ATG7: variants seen among roughly 807,000 people sequenced by gnomAD.
ATG7 encodes autophagy related 7, also known as ubiquitin-like modifier-activating enzyme ATG7.
In ATG7, 70 loss-of-function variants were observed where a neutral mutation model predicts 82.4. That is an observed-to-expected ratio of 0.85 (90% CI 0.70 to 1.04). The LOEUF is 1.04. Ranked by LOEUF, ATG7 falls within the 50% of genes least tolerant of loss-of-function variation. The pLI, the probability that ATG7 is intolerant of heterozygous loss-of-function variation, is 0.00. For missense variants in ATG7, 792 were observed against 864.3 expected, an observed-to-expected ratio of 0.92 and a Z score of 1.05; for synonymous variants, 287 against 313.0, an observed-to-expected ratio of 0.92 and a Z score of 0.88.
At chr3:11,571,343 G>A in the ATG7 span, among the ~76,000 whole-genome samples, 1 of 152,196 alleles carries the variant, frequency 6.6e-6, no homozygotes, top group Admixed American at 6.5e-5. Flanking sequence ...GCCACAGCCA[G>A]CATCACTGCC....
chr3:11,554,920 C>A lies in ATG7; in HGVS notation c.*77C>A. ...TCCATCGCCAGAGCAGGACTGCTGA[C>A]CCCAGGCCTGGTGATTCTGGGCCCC... On this transcript the variant is annotated 3_prime_UTR_variant, in exon 21 of 21. Coordinates refer to ENST00000693202, the MANE Select transcript of ATG7 (RefSeq NM_001349232.2). The A allele has an allele frequency of 1.9e-6, 3 of 1,546,622 alleles. No homozygotes were observed. Among genetic ancestry groups the A allele is most frequent in the Non-Finnish European group, 2.6e-6 (3 of 1,141,438 alleles).
At chr3:11,436,568 G>A (rs1389958596) in intron 20 of ATG7, among the ~76,000 whole-genome samples, 1 of 152,122 alleles carries the variant, frequency 6.6e-6, no homozygotes, top group East Asian at 1.9e-4. Flanking sequence ...TATAAATATA[G>A]CCCAGAGAAA....
At chr3:11,540,580 G>A (rs2070730742) in intron 20 of ATG7, among the ~76,000 whole-genome samples, 1 of 151,956 alleles carries the variant, frequency 6.6e-6, no homozygotes, top group African/African-American at 2.4e-5. Context: ...GGTGAAGGCT[G>A]CAGTGAGCAG....
rs148434149 is a variant in ATG7, at chr3:11,394,736, G to A, written c.1956+14684G>A. On this transcript the variant is annotated intron_variant, in intron 19 of 20. Transcript: ENST00000693202. The stretch of plus-strand genomic sequence containing the variant: ...ACATTATTTAAGTGGCCCGGAAACC[G>A]TAAGGCTTCCTTGCATTAAGATAAT... 1.8e-3 allele frequency among the ~76,000 whole-genome samples: 279 copies of A among 152,308 alleles called. 1 individual carries two copies. Among genetic ancestry groups the A allele is most frequent in the African/African-American group, 5.8e-3 (239 of 41,564 alleles).
Position 11,311,447 on chromosome 3 carries a change from T to TA in ATG7, c.412-1846dup, listed in dbSNP as rs1330193315. 1.9e-4 allele frequency among the ~76,000 whole-genome samples: 28 copies of TA among 147,576 alleles called. No individual in the cohort carries two copies. In the South Asian group the frequency reaches 3.9e-3, roughly 20 times the overall value. Reference sequence around the variant, plus strand: ...AGTTAAACCCCGTATCTACTAAAATTAAAAAAAAAAATTAGCTGTGCATGG... The same window carrying TA: ...AGTTAAACCCCGTATCTACTAAAATTAAAAAAAAAAAATTAGCTGTGCATGG... On this transcript the variant is annotated intron_variant, in intron 7 of 20. Coordinates refer to ENST00000693202, the MANE Select transcript of ATG7 (RefSeq NM_001349232.2).
chr3:11,303,917 C>CAAAAAAAAAAAAAAA (rs55893689), intron 5 of ATG7, among the ~76,000 whole-genome samples: 1 of 75,898 alleles, frequency 1.3e-5, no homozygotes, highest in Non-Finnish European at 2.6e-5. Flanking sequence ...ACTAAAAATG[C>CAAAAAAAAAAAAAAA]AAAAAAAAAA....
intron 20 of ATG7, among the ~76,000 whole-genome samples, chr3:11,494,849 G>A (rs1374271959): frequency 6.6e-6 from 1 of 152,140 alleles, no homozygotes; most frequent in Non-Finnish European, 1.5e-5. Context: ...CAAGGTGAGT[G>A]GATCACGAGG....
intron 20 of ATG7, among the ~76,000 whole-genome samples, chr3:11,483,744 T>A (rs2089293510): frequency 6.6e-6 from 1 of 152,322 alleles, no homozygotes; most frequent in South Asian, 2.1e-4. Context: ...GACTCACAGA[T>A]GTTATCTGCT....
the ATG7 span, among the ~76,000 whole-genome samples, chr3:11,573,050 C>T: frequency 1.1e-4 from 16 of 151,684 alleles, no homozygotes; most frequent in Non-Finnish European, 2.2e-4. Flanking sequence ...CCTGTAATCC[C>T]AGCTACTCCA....
intron 16 of ATG7, among the ~76,000 whole-genome samples, chr3:11,362,430 T>A (rs1193917072): frequency 6.6e-6 from 1 of 152,300 alleles, no homozygotes; most frequent in East Asian, 1.9e-4. Flanking sequence ...GCAGAATCAT[T>A]TGCACTTTTC....
At position 11,502,317 on chromosome 3, in the gene ATG7, G is replaced by A. The variant is rs534452944; in HGVS notation, c.2080-52494G>A. On this transcript the variant is annotated intron_variant, in intron 20 of 20. Coordinates refer to ENST00000693202, the MANE Select transcript of ATG7 (RefSeq NM_001349232.2). ...TATACATGTGCCATGCTGGTGTGCT[G>A]CACCCACTAACTCGTCATCTAGCAT... Among the ~76,000 whole-genome samples the A allele has an allele frequency of 8.7e-5, 13 of 149,248 alleles. No individual in the cohort carries two copies. The South Asian group carries it at 2.6e-3, about 30-fold the overall frequency.
intron 18 of ATG7, among the ~76,000 whole-genome samples, chr3:11,375,805 G>A (rs779069646): frequency 4.6e-5 from 7 of 152,188 alleles, no homozygotes; most frequent in Non-Finnish European, 7.4e-5. Flanking sequence ...TGATCCGGCC[G>A]CCTCAGCTTC....
At chr3:11,546,719 T>C (rs2071324351) in intron 20 of ATG7, among the ~76,000 whole-genome samples, 1 of 152,354 alleles carries the variant, frequency 6.6e-6, no homozygotes, top group East Asian at 1.9e-4. Flanking sequence ...TGGTCCAGGC[T>C]GAGCCTTCTC....
intron 7 of ATG7, 85 bp from the exon 8 acceptor site, chr3:11,313,219 G>T: frequency 1.3e-6 from 1 of 783,496 alleles, no homozygotes. Context: ...TATCTTAATT[G>T]GCCTTGAGAA....
At chr3:11,483,699 T>C (rs58414118) in intron 20 of ATG7, among the ~76,000 whole-genome samples, 3,674 of 152,298 alleles carry the variant, frequency 0.024, 134 homozygotes, top group African/African-American at 0.081. Context: ...GACACTATTA[T>C]TATATTGACA....
chr3:11,376,807 C>T (rs1039182316), intron 18 of ATG7, among the ~76,000 whole-genome samples: 2 of 152,152 alleles, frequency 1.3e-5, no homozygotes, highest in Admixed American at 6.5e-5. Flanking sequence ...GGCACCATCT[C>T]GGCTCACTGC....
chr3:11,543,272 G>A (rs1369394215), intron 20 of ATG7, among the ~76,000 whole-genome samples: 3 of 152,250 alleles, frequency 2.0e-5, no homozygotes, highest in Non-Finnish European at 4.4e-5. Flanking sequence ...GAACCCCGGA[G>A]CAGTGGGTGT....
At chr3:11,565,851 G>A in the ATG7 span, among the ~76,000 whole-genome samples, 1 of 152,150 alleles carries the variant, frequency 6.6e-6, no homozygotes, top group Non-Finnish European at 1.5e-5. This position sits in a 1 kb window ranked among gnomAD's most constrained non-coding sequence, Gnocchi z 4.1. Context: ...GGTAAGCCAT[G>A]GCCAGCCCTG....
At chr3:11,314,703 G>C (rs1450509476) in intron 8 of ATG7, among the ~76,000 whole-genome samples, 2 of 152,164 alleles carry the variant, frequency 1.3e-5, no homozygotes, top group African/African-American at 4.8e-5. Context: ...GGAACGCAGA[G>C]GTGAGCATAC....
Sources: allele counts gnomAD v4.1 joint callset (sites outside exome capture counted in the v4.1 genomes callset), GRCh38; gene constraint gnomAD v4.1.1; non-coding constraint Gnocchi (gnomAD v3.1); transcripts MANE v1.5; gene names NCBI Gene and HGNC (gene_info 2026-07-23, HGNC 2026-07-21).